The following ANGEL2 variants were observed in gnomAD, a reference collection of about 807,000 sequenced individuals.
ANGEL2 encodes angel homolog 2.
Under a neutral mutation model 66.0 loss-of-function variants are expected in ANGEL2, and 41 were observed. The observed-to-expected ratio is 0.62, with a 90% confidence interval of 0.48 to 0.81. The LOEUF (loss-of-function observed/expected upper bound fraction) is 0.81, where lower values mean the gene tolerates loss of function less well. Ranked by LOEUF, ANGEL2 falls within the 30% of genes least tolerant of loss-of-function variation. ANGEL2 has a pLI of 0.00. For synonymous variants in ANGEL2, 208 were observed against 226.5 expected (o/e 0.92, Z 0.73); for missense variants, 561 against 641.6 (o/e 0.87, Z 1.36).
chr1:213,015,567 G>A (rs2076623456), intron 1 of ANGEL2, 46 bp downstream of exon 1: 1 of 1,579,352 alleles, frequency 6.3e-7, no homozygotes, highest in East Asian at 2.4e-5. Flanking sequence ...GCTCTTTCAG[G>A]CCGCCCGCCC....
intron 3 of ANGEL2, 67 bp from the exon 4 acceptor site, chr1:213,007,265 T>C: frequency 8.4e-7 from 1 of 1,189,082 alleles, no homozygotes; most frequent in Non-Finnish European, 1.2e-6. Context: ...GGTGCTTTTA[T>C]CTTAAAATAT....
Position 213,015,701 on chromosome 1 carries a change from G to A in ANGEL2, c.-30C>T, listed in dbSNP as rs775271617. 5 of 1,614,008 alleles carry A rather than the reference G, an allele frequency of 3.1e-6. No homozygotes were observed. The highest frequency in any genetic ancestry group is 1.7e-5 in the Admixed American group (1 of 60,012). Reference sequence around the variant, plus strand: ...GCCCTCCGCGTGCGTCCAGTTCCCAGGCCCCGGGTTCCACCTCAATCTCTA... The same window carrying A: ...GCCCTCCGCGTGCGTCCAGTTCCCAAGCCCCGGGTTCCACCTCAATCTCTA... On this transcript the variant is annotated 5_prime_UTR_variant, in exon 1 of 9. Transcript: ENST00000366962.
At chr1:213,000,192 T>C in intron 7 of ANGEL2, 134 bp downstream of exon 7, 1 of 740,994 alleles carries the variant, frequency 1.3e-6, no homozygotes, top group Non-Finnish European at 2.2e-6. Context: ...CAGGCCTATC[T>C]GACTTAAGGG....
In ANGEL2 at chr1:213,005,383, T is replaced by C. The variant is rs2076296392; in HGVS notation, c.784A>G (p.Lys262Glu). 6.2e-7 allele frequency: 1 copy of C among 1,614,066 alleles called. No individual in the cohort carries two copies. The highest frequency in any genetic ancestry group is 1.7e-5 in the Admixed American group (1 of 60,006). Residue 262 changes from lysine to glutamate, a missense_variant, in exon 5 of 9, where the codon AAA (lysine) becomes GAA (glutamate). Coordinates refer to ENST00000366962, the MANE Select transcript of ANGEL2 (RefSeq NM_144567.5). The part of the protein sequence containing the change: ...DGCAICFKHS[K>E]FSLLSVNPVE... ...GGGTTCACTGACAAGAGTGAAAATT[T>C]GGAATGTTTGAAGCAAATAGCACAG...
At chr1:213,012,729 G>C (rs1023420164) in intron 2 of ANGEL2, among the ~76,000 whole-genome samples, 1 of 152,082 alleles carries the variant, frequency 6.6e-6, no homozygotes, top group South Asian at 2.1e-4. Context: ...TAGATCTGTA[G>C]ACTTCTAAGC....
chr1:212,998,851 A>G (rs1032401015), intron 7 of ANGEL2, among the ~76,000 whole-genome samples: 1 of 149,826 alleles, frequency 6.7e-6, no homozygotes, highest in Admixed American at 6.7e-5. Flanking sequence ...ATTTTTAGAC[A>G]CCAAGGGCAA....
intron 1 of ANGEL2, among the ~76,000 whole-genome samples, chr1:213,013,915 T>C (rs747675153): frequency 6.6e-6 from 1 of 152,186 alleles, no homozygotes; most frequent in Admixed American, 6.5e-5. Flanking sequence ...CAAACACTTG[T>C]ATAGTTAGGA....
intron 7 of ANGEL2, 60 bp from the exon 8 acceptor site, chr1:212,997,378 T>C: frequency 1.4e-6 from 2 of 1,448,322 alleles, no homozygotes; most frequent in African/African-American, 2.8e-5. Context: ...GAATTCCTCC[T>C]ATCTGAATTT....
chr1:212,996,105 A>T (rs758233414), intron 8 of ANGEL2, among the ~76,000 whole-genome samples: 7 of 152,144 alleles, frequency 4.6e-5, no homozygotes, highest in Non-Finnish European at 7.4e-5. Context: ...CAGGAGATCG[A>T]GACCATCCTG....
chr1:213,009,661 T>C (rs2076443627), intron 2 of ANGEL2, among the ~76,000 whole-genome samples: 2 of 152,238 alleles, frequency 1.3e-5, no homozygotes, highest in South Asian at 4.1e-4. Context: ...CTCTGAGTGT[T>C]AGGACTGTGA....
chr1:212,997,719 T>C (rs2076066197), intron 7 of ANGEL2, among the ~76,000 whole-genome samples: 2 of 152,240 alleles, frequency 1.3e-5, no homozygotes, highest in South Asian at 4.1e-4. Flanking sequence ...TATTCTTCTC[T>C]AATTTTTCTT....
At chr1:213,003,180 G>T (rs1335940611) in intron 5 of ANGEL2, among the ~76,000 whole-genome samples, 1 of 152,218 alleles carries the variant, frequency 6.6e-6, no homozygotes, top group Non-Finnish European at 1.5e-5. Flanking sequence ...ATTAGGCTTT[G>T]ACTCAAGGGA....
At chr1:213,004,865 C>CA (rs60445711) in intron 5 of ANGEL2, among the ~76,000 whole-genome samples, 168 bp downstream of exon 5, 3,237 of 35,250 alleles carry the variant, frequency 0.092, 628 homozygotes, top group East Asian at 0.21. Context: ...GAGACTGTCT[C>CA]AAAAAAAAAA....
At chr1:213,011,273 A>C in intron 2 of ANGEL2, 1 of 1,287,876 alleles carries the variant, frequency 7.8e-7, no homozygotes, top group South Asian at 1.2e-5. Flanking sequence ...AAAGTAAGCA[A>C]TAGGCCTGAT....
chr1:213,006,846 A>T, intron 4 of ANGEL2: 1 of 356,350 alleles, frequency 2.8e-6, no homozygotes, highest in Non-Finnish European at 5.0e-6. Context: ...TATGCCACAC[A>T]TCTTTGTCAG....
At chr1:212,999,120 C>T (rs1343732580) in intron 7 of ANGEL2, among the ~76,000 whole-genome samples, 1 of 151,922 alleles carries the variant, frequency 6.6e-6, no homozygotes, top group African/African-American at 2.4e-5. Flanking sequence ...GATCCACCCA[C>T]CTCAGCCTCC....
intron 2 of ANGEL2, 61 bp downstream of exon 2, chr1:213,013,032 A>G: frequency 6.6e-7 from 1 of 1,514,398 alleles, no homozygotes; most frequent in Non-Finnish European, 8.9e-7. Flanking sequence ...TTAGATATGA[A>G]AGTTTCAATT....
chr1:212,996,670 T>C (rs564975536), intron 8 of ANGEL2, among the ~76,000 whole-genome samples: 103 of 135,680 alleles, frequency 7.6e-4, no homozygotes, highest in African/African-American at 2.4e-3. Context: ...TATATATATA[T>C]ACTTTTCCTC....
intron 1 of ANGEL2, among the ~76,000 whole-genome samples, chr1:213,014,923 A>G (rs1443405347): frequency 6.6e-6 from 1 of 152,222 alleles, no homozygotes; most frequent in Non-Finnish European, 1.5e-5. Flanking sequence ...ATTTCTAAAT[A>G]CTTATGTTAG....
Sources: allele counts gnomAD v4.1 joint callset (sites outside exome capture counted in the v4.1 genomes callset), GRCh38; gene constraint gnomAD v4.1.1; transcripts MANE v1.5; gene names NCBI Gene and HGNC (gene_info 2026-07-23, HGNC 2026-07-21).